The following HOMER1 variants were observed in gnomAD, a reference collection of about 807,000 sequenced individuals.
The protein encoded by HOMER1 is homer protein homolog 1.
HOMER1 carries 3 observed loss-of-function variants against 48.9 expected under a neutral mutation model. The observed-to-expected ratio is 0.06, with a 90% CI of 0.03 to 0.16. The LOEUF is 0.16. Among genes scored for constraint, HOMER1 ranks in the 10% least tolerant of loss-of-function variants. The pLI is 1.00. For synonymous variants in HOMER1, 134 were observed against 146.4 expected, an observed-to-expected ratio of 0.92 and a Z score of 0.61; for missense variants, 247 against 411.4, an observed-to-expected ratio of 0.60 and a Z score of 3.46.
In HOMER1 at chr5:79,410,489, CAAAAAAAA is replaced by C. The variant is rs59290866; in HGVS notation, c.528-8442_528-8435del. Among the ~76,000 whole-genome samples, 42 of 105,146 alleles carry C rather than the reference CAAAAAAAA, an allele frequency of 4.0e-4. 1 individual carries two copies. The highest frequency in any genetic ancestry group is 3.6e-3 in the Admixed American group (38 of 10,538). 69.0% of individuals were successfully genotyped at this position (105,146 alleles called of 152,430 possible). On this transcript the variant is annotated intron_variant, in intron 5 of 8. Coordinates refer to ENST00000334082, the MANE Select transcript of HOMER1 (RefSeq NM_004272.5). The stretch of plus-strand genomic sequence containing the variant: ...GGGTAACAAGAGTGAAACTCTATCT[CAAAAAAAA>C]AAAAAAAAAAGAAAAAAGAAATAGA...
chr5:79,445,775 G>A (rs1750858155), intron 4 of HOMER1, among the ~76,000 whole-genome samples: 1 of 152,118 alleles, frequency 6.6e-6, no homozygotes. Context: ...TTAGCCAGGT[G>A]GGGTGGTGCA....
chr5:79,412,631 G>A (rs1355971705), intron 5 of HOMER1, among the ~76,000 whole-genome samples: 1 of 152,198 alleles, frequency 6.6e-6, no homozygotes, highest in Non-Finnish European at 1.5e-5. Flanking sequence ...ACTTGCAACT[G>A]TTGAACCTAA....
chr5:79,499,079 C>T (rs1425081457), intron 1 of HOMER1, among the ~76,000 whole-genome samples: 1 of 152,008 alleles, frequency 6.6e-6, no homozygotes, highest in East Asian at 1.9e-4. Flanking sequence ...TGTGATCTGC[C>T]CACCTCGGCC....
intron 8 of HOMER1, among the ~76,000 whole-genome samples, chr5:79,394,438 A>G (rs1233024679): frequency 6.6e-6 from 1 of 152,204 alleles, no homozygotes; most frequent in East Asian, 1.9e-4. Flanking sequence ...CAGGTTTTCT[A>G]AAAGCTTCCC....
At chr5:79,442,968 T>C (rs1029586243) in intron 4 of HOMER1, among the ~76,000 whole-genome samples, 1 of 152,220 alleles carries the variant, frequency 6.6e-6, no homozygotes, top group African/African-American at 2.4e-5. Flanking sequence ...ATAATCTGAC[T>C]TTCTGGATTA....
At chr5:79,407,770 G>T (rs1749705288) in intron 5 of HOMER1, among the ~76,000 whole-genome samples, 1 of 152,124 alleles carries the variant, frequency 6.6e-6, no homozygotes. Flanking sequence ...AAGACATAAA[G>T]GCTGAGTATT....
intron 3 of HOMER1, among the ~76,000 whole-genome samples, chr5:79,447,659 A>T (rs1035639684): frequency 6.6e-6 from 1 of 152,214 alleles, no homozygotes; most frequent in Non-Finnish European, 1.5e-5. Flanking sequence ...ACATAACTAA[A>T]AATTTATTTC....
At chr5:79,435,530 G>A (rs560575303) in intron 5 of HOMER1, among the ~76,000 whole-genome samples, 39 of 152,248 alleles carry the variant, frequency 2.6e-4, no homozygotes, top group African/African-American at 7.9e-4. Context: ...AACACATATT[G>A]GAGAAGGAAG....
intron 2 of HOMER1, among the ~76,000 whole-genome samples, chr5:79,453,780 G>A (rs968059956): frequency 6.6e-5 from 10 of 152,072 alleles, no homozygotes; most frequent in African/African-American, 1.7e-4. Flanking sequence ...AAGTGAGAAC[G>A]AGTGCACATT....
At chr5:79,379,468 TTATATATAA>T (rs1748907068) in intron 8 of HOMER1, among the ~76,000 whole-genome samples, 2 of 115,328 alleles carry the variant, frequency 1.7e-5, no homozygotes, top group African/African-American at 6.4e-5. Flanking sequence ...AATATATATT[TTATATATAA>T]ATATATAAAT....
intron 5 of HOMER1, among the ~76,000 whole-genome samples, chr5:79,415,560 C>T (rs939280481): frequency 2.3e-4 from 35 of 151,972 alleles, no homozygotes; most frequent in African/African-American, 7.0e-4. Context: ...TCTATGTCCA[C>T]GTAAACCTAA....
chr5:79,390,755 A>G (rs61633407), intron 8 of HOMER1, among the ~76,000 whole-genome samples: 1,558 of 152,284 alleles, frequency 0.01, 21 homozygotes, highest in African/African-American at 0.035. Context: ...AATGCAATAG[A>G]ACTATAAATT....
At chr5:79,503,456 G>T (rs1457197476) in intron 1 of HOMER1, among the ~76,000 whole-genome samples, 1 of 149,366 alleles carries the variant, frequency 6.7e-6, no homozygotes, top group Non-Finnish European at 1.5e-5. Context: ...CTTGAACCCA[G>T]GAGGCGAGAT....
intron 1 of HOMER1, among the ~76,000 whole-genome samples, chr5:79,501,724 C>T (rs1322134028): frequency 6.6e-6 from 1 of 152,152 alleles, no homozygotes; most frequent in African/African-American, 2.4e-5. Context: ...ATGGTAAGAG[C>T]CCCAAGGAGC....
intron 1 of HOMER1, among the ~76,000 whole-genome samples, chr5:79,461,875 A>G (rs1751324660): frequency 6.6e-6 from 1 of 152,202 alleles, no homozygotes; most frequent in African/African-American, 2.4e-5. Context: ...ATTACTCTTT[A>G]AAAATTGCTC....
intron 5 of HOMER1, among the ~76,000 whole-genome samples, chr5:79,420,198 G>A (rs1322177997): frequency 6.6e-6 from 1 of 152,170 alleles, no homozygotes; most frequent in African/African-American, 2.4e-5. Flanking sequence ...ATTGGCTAGT[G>A]AACAGAAATA....
chr5:79,377,174 C>A (rs919280783), intron 8 of HOMER1, among the ~76,000 whole-genome samples: 2 of 152,120 alleles, frequency 1.3e-5, no homozygotes, highest in African/African-American at 4.8e-5. Flanking sequence ...CCATGTTGGC[C>A]AGGCCAGTCT....
intron 1 of HOMER1, among the ~76,000 whole-genome samples, chr5:79,467,054 T>G (rs1327856285): frequency 6.6e-6 from 1 of 152,156 alleles, no homozygotes; most frequent in African/African-American, 2.4e-5. Flanking sequence ...CCTCCCAATG[T>G]GCTGGGATTA....
chr5:79,491,222 AG>A (rs931188335), intron 1 of HOMER1, among the ~76,000 whole-genome samples: 3 of 151,496 alleles, frequency 2.0e-5, no homozygotes, highest in Admixed American at 6.6e-5. Flanking sequence ...ACTTGAGTTC[AG>A]GAATTCAAGA....
Sources: gnomAD v4.1 joint callset for allele counts (sites outside exome capture counted in the v4.1 genomes callset) on GRCh38, gnomAD v4.1.1 for gene constraint, MANE v1.5 for transcripts, NCBI Gene and HGNC (gene_info 2026-07-23, HGNC 2026-07-21) for gene names.